SGO2: variants seen among roughly 807,000 people sequenced by gnomAD.
SGO2 encodes the protein shugoshin 2, also known as shugoshin-like 2.
Under a neutral mutation model 99.5 loss-of-function variants are expected in SGO2, and 68 were observed. That is an observed-to-expected ratio of 0.68 (90% CI 0.56 to 0.84). SGO2 has a LOEUF of 0.84. Among genes scored for constraint, SGO2 ranks in the 40% least tolerant of loss-of-function variants. The probability of loss-of-function intolerance (pLI) is 0.00; values close to 1 mark genes in which losing one functional copy is unlikely to be tolerated. For synonymous variants in SGO2, 457 were observed against 487.1 expected (o/e 0.94, Z 0.81); for missense variants, 1,350 against 1,436.7 (o/e 0.94, Z 0.97).
In SGO2 at chr2:200,570,625, TACAA is replaced by T. The variant is rs1213883879; in HGVS notation, c.704-421_704-418del. 1.1e-4 allele frequency among the ~76,000 whole-genome samples: 15 copies of T among 133,250 alleles called. No homozygotes were observed. Among genetic ancestry groups the T allele is most frequent in the Admixed American group, 8.0e-4 (11 of 13,722 alleles). 87.4% of individuals were successfully genotyped at this position (133,250 alleles called of 152,430 possible). On this transcript the variant is annotated intron_variant, in intron 6 of 8. Transcript: ENST00000357799. The surrounding 1 kb of genome is among the most constrained non-coding windows in gnomAD (Gnocchi z 4.4). ...ACATGTGTGTATATATTTACACACA[TACAA>T]ACATATATTAATATATGTATATATA...
At chr2:200,535,952 G>A (rs1255426737) in intron 3 of SGO2, 113 bp from the exon 4 acceptor site, 1 of 566,448 alleles carries the variant, frequency 1.8e-6, no homozygotes, top group East Asian at 2.9e-5. Context: ...AGCTCAATAT[G>A]ATATCAACTA....
At position 200,535,027 on chromosome 2, in the gene SGO2, G is replaced by T; in HGVS notation, c.165G>T (p.Lys55Asn). The part of the protein sequence containing the change: ...NNSSIFKISL[K>N]HNNRALAQAL... ...CTTCTATTTTCAAAATATCTTTAAAGCACAACAACAGGGCATTAGCTCAGG... is the reference window on the plus strand; with the variant it reads ...CTTCTATTTTCAAAATATCTTTAAATCACAACAACAGGGCATTAGCTCAGG... Residue 55 changes from lysine (K) to asparagine (N), a missense_variant, in exon 3 of 9, where the codon AAG (lysine) becomes AAT (asparagine). Physicochemically the swap from Lys to Asn is moderately conservative, Grantham distance 94. Coordinates refer to ENST00000357799, the MANE Select transcript of SGO2 (RefSeq NM_152524.6). 5 of 1,535,056 alleles carry T rather than the reference G, an allele frequency of 3.3e-6. No homozygotes were observed. Among genetic ancestry groups the T allele is most frequent in the Non-Finnish European group, 4.3e-6 (5 of 1,153,420 alleles).
At chr2:200,568,055 C>T (rs1467406513) in intron 5 of SGO2, among the ~76,000 whole-genome samples, 24 of 152,192 alleles carry the variant, frequency 1.6e-4, no homozygotes, top group Admixed American at 1.0e-3. Context: ...CAAGCTTCTG[C>T]ACCATTTTAC....
intron 6 of SGO2, 78 bp downstream of exon 6, chr2:200,569,970 G>A (rs758331692): frequency 1.1e-6 from 1 of 925,728 alleles, no homozygotes; most frequent in African/African-American, 1.7e-5. Context: ...GGGCAATTAT[G>A]TATAACAGTT....
chr2:200,582,920 A>G (rs1470303258), intron 8 of SGO2, among the ~76,000 whole-genome samples: 1 of 152,142 alleles, frequency 6.6e-6, no homozygotes, highest in Non-Finnish European at 1.5e-5. Flanking sequence ...AAAGATATCT[A>G]TCAAACAGAT....
intron 7 of SGO2, among the ~76,000 whole-genome samples, chr2:200,574,434 A>G (rs1305422678): frequency 1.3e-5 from 2 of 152,076 alleles, no homozygotes; most frequent in African/African-American, 4.8e-5. Context: ...ACTGAAAAAT[A>G]AACAATACCA....
Position 200,571,924 on chromosome 2 carries a change from A to T in SGO2, c.1578A>T (p.Leu526=). Residue 526 remains leucine, a synonymous_variant, in exon 7 of 9, where the codon CTA becomes CTT. Transcript: ENST00000357799. ...AATTTGATAAGGGTCAGAATTCCCT[A>T]ACTTGTAATAAAAGTAAAGCTTCTA... is the stretch of plus-strand genomic sequence containing the variant. ...ESKFDKGQNS[L]TCNKSKASRQ... is the part of the protein sequence containing the mutation. The T allele has an allele frequency of 6.2e-7, 1 of 1,612,692 alleles. No homozygotes were observed. The highest frequency in any genetic ancestry group is 8.5e-7 in the Non-Finnish European group (1 of 1,179,438).
At chr2:200,565,007 CTT>C (rs1428010634) in intron 5 of SGO2, among the ~76,000 whole-genome samples, 6 of 152,156 alleles carry the variant, frequency 3.9e-5, no homozygotes, top group Non-Finnish European at 7.3e-5. Context: ...GGTCTTGACT[CTT>C]TATCCAATTT....
In SGO2 at chr2:200,549,195, C is replaced by T. The variant is rs371970663; in HGVS notation, c.473+6531C>T. ...TACTCAGGAGGCTAAGGTGGGAGGA[C>T]TGTTTGAGCCTGGGAAGTTGAGGCT... On this transcript the variant is annotated intron_variant, in intron 5 of 8. Transcript: ENST00000357799. 1.5e-3 allele frequency among the ~76,000 whole-genome samples: 232 copies of T among 152,176 alleles called. 1 individual carries two copies. The highest frequency in any genetic ancestry group is 5.2e-3 in the African/African-American group (218 of 41,524).
At chr2:200,562,003 G>T (rs2032989994) in intron 5 of SGO2, among the ~76,000 whole-genome samples, 1 of 152,108 alleles carries the variant, frequency 6.6e-6, no homozygotes, top group African/African-American at 2.4e-5. Context: ...CCATTTTGTA[G>T]GTTGCCTGTT....
chr2:200,583,578 T>A lies in SGO2; in HGVS notation c.*114T>A. ...TGAAAAGGTTTTTTTTTTGTTTCTT[T>A]GGCCTTTCATGGAGTGTTGATTTGT... On this transcript the variant is annotated 3_prime_UTR_variant, in exon 9 of 9. Transcript: ENST00000357799. 1 of 858,156 alleles carries A rather than the reference T, an allele frequency of 1.2e-6. No individual in the cohort carries two copies. 53.2% of individuals were successfully genotyped at this position (858,156 alleles called of 1,614,324 possible).
chr2:200,561,662 T>G (rs1387566092), intron 5 of SGO2, among the ~76,000 whole-genome samples: 2 of 152,244 alleles, frequency 1.3e-5, no homozygotes, highest in Non-Finnish European at 2.9e-5. Flanking sequence ...TGAACTAGTT[T>G]ACAGTCCCAC....
chr2:200,550,726 G>A (rs181608145), intron 5 of SGO2, among the ~76,000 whole-genome samples: 34 of 152,194 alleles, frequency 2.2e-4, no homozygotes, highest in African/African-American at 7.5e-4. Context: ...CCAAAACTAT[G>A]AAACTATTAG....
chr2:200,544,383 G>A (rs1054762758), intron 5 of SGO2, among the ~76,000 whole-genome samples: 2 of 151,836 alleles, frequency 1.3e-5, no homozygotes, highest in Non-Finnish European at 2.9e-5. Context: ...CCGGGTTCAA[G>A]TGATCCTCCT....
At position 200,573,244 on chromosome 2, in the gene SGO2, CA is replaced by C; in HGVS notation, c.2899del (p.Ser967ValfsTer11). On this transcript the variant is annotated frameshift_variant, in exon 7 of 9. Transcript: ENST00000357799. LOFTEE classifies it high-confidence loss of function. ...IINKHYMEVN[S>X]NEKESCDQIL... Reference sequence around the variant, plus strand: ...TCAATAAACACTATATGGAAGTCAACAGTAATGAAAAGGAAAGTTGTGATCA... The same window carrying C: ...TCAATAAACACTATATGGAAGTCAACGTAATGAAAAGGAAAGTTGTGATCA... 1 of 1,591,140 alleles carries C rather than the reference CA, an allele frequency of 6.3e-7. No homozygotes were observed. The highest frequency in any genetic ancestry group is 1.2e-5 in the South Asian group (1 of 85,464).
chr2:200,572,234 T>TATG lies in SGO2; in HGVS notation c.1890_1892dup (p.Tyr630_Glu631insAsp). 1.2e-6 allele frequency: 2 copies of TATG among 1,612,546 alleles called. No homozygotes were observed. Among genetic ancestry groups the TATG allele is most frequent in the Non-Finnish European group, 1.7e-6 (2 of 1,179,460 alleles). ...AATAATTTCTGGAATGAACCACATG[T>TATG]ATGAGGATAATGATAAAGATGTGGT... On this transcript the variant is annotated inframe_insertion, in exon 7 of 9. Transcript: ENST00000357799.
At position 200,571,347 on chromosome 2, in the gene SGO2, C is replaced by T. The variant is rs934428400; in HGVS notation, c.1001C>T (p.Ser334Phe). ...AAACAGGATCTTCCTGGCTTATCTT[C>T]TGAGTCTGCCAGAGAACCTAATGCA... is the stretch of plus-strand genomic sequence containing the variant. Reference protein sequence around the residue: ...RNKQDLPGLSSESAREPNAEC... With the variant: ...RNKQDLPGLSFESAREPNAEC... The change falls in exon 7 of 9, where the codon TCT becomes TTT. Residue 334 changes from serine (S) to phenylalanine (F), a missense_variant. Ser to Phe is a radical substitution (Grantham distance 155). Transcript: ENST00000357799. The T allele has an allele frequency of 6.2e-7, 1 of 1,612,632 alleles. No individual in the cohort carries two copies. Among genetic ancestry groups the T allele is most frequent in the African/African-American group, 1.3e-5 (1 of 74,890 alleles).
intron 8 of SGO2, 78 bp from the exon 9 acceptor site, chr2:200,583,370 AC>A: frequency 7.9e-7 from 1 of 1,265,358 alleles, no homozygotes; most frequent in South Asian, 1.6e-5. Flanking sequence ...ATATGATGAA[AC>A]AATTTTCTTC....
chr2:200,562,431 C>T (rs190648193), intron 5 of SGO2, among the ~76,000 whole-genome samples: 157 of 152,264 alleles, frequency 1.0e-3, no homozygotes, highest in Non-Finnish European at 1.5e-3. Flanking sequence ...TGTTTTGGTA[C>T]CAGTACCATG....
Sources: allele counts gnomAD v4.1 joint callset (sites outside exome capture counted in the v4.1 genomes callset), GRCh38; gene constraint gnomAD v4.1.1; non-coding constraint Gnocchi (gnomAD v3.1); transcripts MANE v1.5; gene names NCBI Gene and HGNC (gene_info 2026-07-23, HGNC 2026-07-21).